CSRP1: variants seen among roughly 807,000 people sequenced by gnomAD.
CSRP1 encodes cysteine and glycine rich protein 1.
Under a neutral mutation model 25.4 loss-of-function variants are expected in CSRP1, and 16 were observed. The observed-to-expected ratio is 0.63, with a 90% CI of 0.43 to 0.96. The LOEUF is 0.96. CSRP1 is among the 40% of genes least tolerant of loss of function. The pLI is 0.00. For synonymous variants in CSRP1, 97 were observed against 95.3 expected (o/e 1.02, Z -0.10); for missense variants, 212 against 243.6 (o/e 0.87, Z 0.86).
chr1:201,485,214 A>T, intron 5 of CSRP1, 69 bp downstream of exon 5: 1 of 1,348,058 alleles, frequency 7.4e-7, no homozygotes, highest in Non-Finnish European at 1.1e-6. Flanking sequence ...CATTCAGCAA[A>T]GGCAAAACTA....
At chr1:201,493,146 CT>C (rs1664396691) in intron 2 of CSRP1, among the ~76,000 whole-genome samples, 1 of 152,224 alleles carries the variant, frequency 6.6e-6, no homozygotes. Context: ...GAACCACCAC[CT>C]GCTCATAGGA....
chr1:201,490,302 T>C lies in CSRP1; in HGVS notation c.155A>G (p.His52Arg), dbSNP rs1325974000. The change falls in exon 3 of 6, where the codon CAT becomes CGT. Residue 52 changes from histidine to arginine, a missense_variant. Transcript: ENST00000340006. Reference protein sequence around the residue: ...KNLDSTTVAVHGEEIYCKSCY... With the variant: ...KNLDSTTVAVRGEEIYCKSCY... The stretch of plus-strand genomic sequence containing the variant: ...GGACTTGCAGTAAATCTCCTCACCA[T>C]GCACGGCCACAGTGGTACTGTCCAG... 2 of 1,614,180 alleles carry C rather than the reference T, an allele frequency of 1.2e-6. No individual in the cohort carries two copies. The highest frequency in any genetic ancestry group is 1.7e-5 in the Admixed American group (1 of 60,020).
intron 1 of CSRP1, among the ~76,000 whole-genome samples, chr1:201,499,593 T>A (rs1217518920): frequency 2.6e-5 from 4 of 152,104 alleles, no homozygotes; most frequent in African/African-American, 9.7e-5. Flanking sequence ...CTACTATGCA[T>A]CAGATGGCTC....
At chr1:201,498,005 G>A (rs538045568) in intron 1 of CSRP1, among the ~76,000 whole-genome samples, 52 of 149,958 alleles carry the variant, frequency 3.5e-4, no homozygotes, top group African/African-American at 1.1e-3. Context: ...GCAAGACTCC[G>A]TCTCAAAAAA....
intron 1 of CSRP1, among the ~76,000 whole-genome samples, chr1:201,503,273 T>C (rs973051302): frequency 6.6e-6 from 1 of 152,190 alleles, no homozygotes; most frequent in African/African-American, 2.4e-5. Context: ...ACAGATGGGG[T>C]TTCCTTGCTT....
chr1:201,484,676 C>A lies in CSRP1; in HGVS notation c.*37G>T. 3 of 1,571,928 alleles carry A rather than the reference C, an allele frequency of 1.9e-6. No individual in the cohort carries two copies. Among genetic ancestry groups the A allele is most frequent in the Non-Finnish European group, 2.6e-6 (3 of 1,150,046 alleles). The stretch of plus-strand genomic sequence containing the variant: ...CTGGGAATGGAATGGCGATGAAAAG[C>A]GCAGGAGTGGGCAGGGTGTGGTGGG... On this transcript the variant is annotated 3_prime_UTR_variant, in exon 6 of 6. Coordinates refer to ENST00000340006, the MANE Select transcript of CSRP1 (RefSeq NM_004078.3).
chr1:201,495,438 C>A (rs1261746942), intron 2 of CSRP1, among the ~76,000 whole-genome samples: 1 of 152,196 alleles, frequency 6.6e-6, no homozygotes, highest in Non-Finnish European at 1.5e-5. Flanking sequence ...ACCTTCTGCT[C>A]TGATCACAAT....
At position 201,496,377 on chromosome 1, in the gene CSRP1, A is replaced by T. The variant is rs1198194912; in HGVS notation, c.-1-73T>A. On this transcript the variant is annotated intron_variant, in intron 1 of 5. Coordinates refer to ENST00000340006, the MANE Select transcript of CSRP1 (RefSeq NM_004078.3). ...ACATCTCAGATTGTCCACGACAGAA[A>T]TGCAACAGCCAGATCCAGAGGAGAG... is the stretch of plus-strand genomic sequence containing the variant. 3 of 1,237,082 alleles carry T rather than the reference A, an allele frequency of 2.4e-6. No individual in the cohort carries two copies. In the East Asian group the frequency reaches 7.0e-5, roughly 29 times the overall value. 76.6% of individuals were successfully genotyped at this position (1,237,082 alleles called of 1,614,324 possible).
intron 4 of CSRP1, 72 bp from the exon 5 acceptor site, chr1:201,485,448 T>A (rs1475334475): frequency 7.3e-7 from 1 of 1,373,260 alleles, no homozygotes; most frequent in East Asian, 2.3e-5. Flanking sequence ...GCCCACTCCC[T>A]TTGACATAAC....
chr1:201,487,125 C>T (rs1435127681), intron 4 of CSRP1: 5 of 610,474 alleles, frequency 8.2e-6, no homozygotes, highest in Non-Finnish European at 1.3e-5. Flanking sequence ...TTAAAACTGC[C>T]TTGTTGTTGG....
chr1:201,485,635 A>G (rs939238491), intron 4 of CSRP1: 7 of 474,674 alleles, frequency 1.5e-5, no homozygotes, highest in Non-Finnish European at 2.3e-5. Flanking sequence ...ATACCACAAA[A>G]GGCAGGTGAG....
chr1:201,486,723 CA>C (rs34482449), intron 4 of CSRP1: 1 of 1,063,308 alleles, frequency 9.4e-7, no homozygotes. Flanking sequence ...CATAAGCACC[CA>C]AAAGTACTCC....
chr1:201,500,239 C>T (rs1664625970), intron 1 of CSRP1, among the ~76,000 whole-genome samples: 1 of 152,220 alleles, frequency 6.6e-6, no homozygotes, highest in African/African-American at 2.4e-5. Context: ...TAGGAACACC[C>T]CTAAGGGAGG....
intron 1 of CSRP1, 75 bp from the exon 2 acceptor site, chr1:201,496,379 G>C: frequency 1.6e-6 from 2 of 1,213,226 alleles, no homozygotes; most frequent in Non-Finnish European, 2.4e-6. Context: ...CGACAGAAAT[G>C]CAACAGCCAG....
chr1:201,484,372 C>T lies in CSRP1; in HGVS notation c.*341G>A, dbSNP rs112225418. ...TCCTCTGGGTGCCAAGATGTGTCCT[C>T]AGGTGTCTTGGTCAGCTGATGATGG... On this transcript the variant is annotated 3_prime_UTR_variant, in exon 6 of 6. Transcript: ENST00000340006. 0.012 allele frequency: 6,075 copies of T among 501,644 alleles called. 65 individuals are homozygous for T. Among genetic ancestry groups the T allele is most frequent in the Middle Eastern group, 0.021 (39 of 1,902 alleles). The allele number at this position is 501,644 out of a possible 1,614,324, so 31.1% of individuals were successfully genotyped here. A position where few individuals can be genotyped will look rare whatever the true frequency, so the allele number is the denominator to read the frequency against.
At chr1:201,502,509 G>A (rs1664700871) in intron 1 of CSRP1, among the ~76,000 whole-genome samples, 1 of 152,226 alleles carries the variant, frequency 6.6e-6, no homozygotes, top group Non-Finnish European at 1.5e-5. Flanking sequence ...CAGGGTCACG[G>A]GTAGGGGGAG....
intron 2 of CSRP1, 26 bp from the exon 3 acceptor site, chr1:201,490,370 G>T: frequency 6.2e-7 from 1 of 1,609,200 alleles, no homozygotes; most frequent in Non-Finnish European, 8.5e-7. Context: ...GGAAGCGGAC[G>T]CATTGAGTTG....
chr1:201,485,587 G>A, intron 4 of CSRP1: 1 of 570,008 alleles, frequency 1.8e-6, no homozygotes, highest in Non-Finnish European at 3.2e-6. Flanking sequence ...CATCTTCCAT[G>A]CTATGTTGCA....
intron 2 of CSRP1, 91 bp downstream of exon 2, chr1:201,496,101 A>T: frequency 1.1e-6 from 1 of 915,892 alleles, no homozygotes; most frequent in Non-Finnish European, 1.8e-6. Context: ...CCATGGGATC[A>T]GTTCCCTGGG....
Sources: gnomAD v4.1 joint callset for allele counts (sites outside exome capture counted in the v4.1 genomes callset) on GRCh38, gnomAD v4.1.1 for gene constraint, MANE v1.5 for transcripts, NCBI Gene and HGNC (gene_info 2026-07-23, HGNC 2026-07-21) for gene names.